VAV3: variants seen among roughly 807,000 people sequenced by gnomAD.
The protein encoded by VAV3 is vav guanine nucleotide exchange factor 3.
Under a neutral mutation model 131.2 loss-of-function variants are expected in VAV3, and 94 were observed. The ratio of observed to expected loss-of-function variants is 0.72; its 90% CI spans 0.61 to 0.85. The LOEUF (loss-of-function observed/expected upper bound fraction) is 0.85, where lower values mean the gene tolerates loss of function less well. Among genes scored for constraint, VAV3 ranks in the 40% least tolerant of loss-of-function variants. VAV3 has a pLI of 0.00. For synonymous variants in VAV3, 349 were observed against 342.0 expected (o/e 1.02, Z -0.22); for missense variants, 939 against 1,002.7 (o/e 0.94, Z 0.86).
At chr1:107,727,960 T>C (rs1030117003) in intron 15 of VAV3, among the ~76,000 whole-genome samples, 4 of 152,210 alleles carry the variant, frequency 2.6e-5, no homozygotes, top group Non-Finnish European at 4.4e-5. Flanking sequence ...AGAAATTTAA[T>C]TAAATTTCTA....
rs74391337 is a variant in VAV3, at chr1:107,770,732, C to T, written c.556-4G>A. On this transcript the variant is annotated splice_polypyrimidine_tract_variant and splice_region_variant and intron_variant, in intron 5 of 26. Transcript: ENST00000370056. ...GTATATCATTTTCTGGACATTTCTGCAGTTAGAATTATCAAAATAAAATGA... is the reference window on the plus strand; with the variant it reads ...GTATATCATTTTCTGGACATTTCTGTAGTTAGAATTATCAAAATAAAATGA... 1.9e-6 allele frequency: 3 copies of T among 1,598,874 alleles called. No homozygotes were observed. The highest frequency in any genetic ancestry group is 3.5e-5 in the Admixed American group (2 of 57,954).
intron 1 of VAV3, among the ~76,000 whole-genome samples, chr1:107,921,596 A>AAGTCATCACTCCATAACC (rs1553231324): frequency 6.6e-6 from 1 of 152,214 alleles, no homozygotes; most frequent in Non-Finnish European, 1.5e-5. Context: ...CCTGACAGCC[A>AAGTCATCACTCCATAACC]AGTCATCACT....
At chr1:107,675,596 G>A (rs1235932464) in intron 19 of VAV3, among the ~76,000 whole-genome samples, 1 of 152,080 alleles carries the variant, frequency 6.6e-6, no homozygotes. Flanking sequence ...CGTGAAGCAG[G>A]TAGTGGCTTA....
At chr1:107,672,847 C>T (rs1215153436) in intron 19 of VAV3, among the ~76,000 whole-genome samples, 3 of 152,064 alleles carry the variant, frequency 2.0e-5, no homozygotes, top group Admixed American at 6.6e-5. Flanking sequence ...CTATTATTTT[C>T]CTATCTAATG....
At chr1:107,809,181 T>C (rs1033075721) in intron 2 of VAV3, among the ~76,000 whole-genome samples, 2 of 152,166 alleles carry the variant, frequency 1.3e-5, no homozygotes, top group African/African-American at 2.4e-5. Context: ...CAAAGCCTCA[T>C]CATTTCTTTC....
chr1:107,757,185 G>T (rs12138350), intron 11 of VAV3, 76 bp downstream of exon 11: 3 of 783,694 alleles, frequency 3.8e-6, no homozygotes, highest in Non-Finnish European at 6.4e-6. Context: ...GTGTGTGTGT[G>T]TGTATGCAAT....
At chr1:107,964,516 CAA>C in intron 1 of VAV3, 148 bp downstream of exon 1, 1 of 830,906 alleles carries the variant, frequency 1.2e-6, no homozygotes, top group Admixed American at 2.9e-5. Flanking sequence ...TAGGAAACGC[CAA>C]AGTGGTGCCG....
chr1:107,629,135 A>C (rs1259025616), intron 20 of VAV3, among the ~76,000 whole-genome samples: 2 of 152,226 alleles, frequency 1.3e-5, no homozygotes, highest in Non-Finnish European at 2.9e-5. Context: ...GTAAATGACA[A>C]TGGAGCAAAT....
chr1:107,725,100 G>A (rs114862317), intron 15 of VAV3, among the ~76,000 whole-genome samples: 4 of 152,282 alleles, frequency 2.6e-5, no homozygotes, highest in Admixed American at 6.5e-5. Context: ...CATCAGGAGT[G>A]AATAAAGGAA....
At chr1:107,744,135 C>G (rs560185459) in intron 15 of VAV3, among the ~76,000 whole-genome samples, 1 of 152,186 alleles carries the variant, frequency 6.6e-6, no homozygotes, top group Non-Finnish European at 1.5e-5. Context: ...CAGGATAGTG[C>G]ATCCTGGTCC....
chr1:107,704,316 CCT>C (rs1177689975), intron 17 of VAV3, among the ~76,000 whole-genome samples: 3 of 152,098 alleles, frequency 2.0e-5, no homozygotes, highest in African/African-American at 7.2e-5. Flanking sequence ...CTCTTGAAGA[CCT>C]CTGTCTCCAA....
intron 2 of VAV3, among the ~76,000 whole-genome samples, chr1:107,785,176 T>C (rs17229592): frequency 0.036 from 5,503 of 152,304 alleles, 104 homozygotes; most frequent in Middle Eastern, 0.075. Context: ...ATTAGTGCTG[T>C]TGATGTTATT....
intron 1 of VAV3, among the ~76,000 whole-genome samples, chr1:107,959,252 CTCTG>C (rs1674966658): frequency 1.3e-5 from 2 of 151,286 alleles, no homozygotes; most frequent in African/African-American, 2.5e-5. Context: ...CGGAGCAAGA[CTCTG>C]TCTAAAAAAT....
chr1:107,904,304 T>C (rs572278880), intron 1 of VAV3, among the ~76,000 whole-genome samples: 17 of 152,340 alleles, frequency 1.1e-4, no homozygotes, highest in Admixed American at 5.2e-4. Flanking sequence ...ACGTATGATG[T>C]GACTGAATGA....
chr1:107,779,563 T>C, intron 2 of VAV3, 71 bp from the exon 3 acceptor site: 1 of 1,244,468 alleles, frequency 8.0e-7, no homozygotes, highest in Non-Finnish European at 1.1e-6. Context: ...CCAAAATTTT[T>C]TCAATCTAAT....
At chr1:107,920,836 C>CAT (rs1272963706) in intron 1 of VAV3, among the ~76,000 whole-genome samples, 6 of 152,066 alleles carry the variant, frequency 3.9e-5, no homozygotes, top group Admixed American at 2.6e-4. Flanking sequence ...ATAAATGAGG[C>CAT]ATATATATAT....
At chr1:107,741,480 G>T (rs1663018355) in intron 15 of VAV3, among the ~76,000 whole-genome samples, 2 of 152,146 alleles carry the variant, frequency 1.3e-5, no homozygotes, top group South Asian at 4.1e-4. Flanking sequence ...GCTGCTGAGG[G>T]TGTCAAAGAC....
intron 2 of VAV3, among the ~76,000 whole-genome samples, chr1:107,860,141 C>G (rs939818687): frequency 6.6e-6 from 1 of 152,000 alleles, no homozygotes; most frequent in Non-Finnish European, 1.5e-5. Flanking sequence ...TTGTTTTTGA[C>G]AGGGAGTCTC....
chr1:107,678,527 T>G (rs1490319355), intron 19 of VAV3, among the ~76,000 whole-genome samples: 1 of 152,186 alleles, frequency 6.6e-6, no homozygotes, highest in Non-Finnish European at 1.5e-5. Flanking sequence ...TGTTGTTATT[T>G]TTCTCAATGT....
Sources: gnomAD v4.1 joint callset for allele counts (sites outside exome capture counted in the v4.1 genomes callset) on GRCh38, gnomAD v4.1.1 for gene constraint, MANE v1.5 for transcripts, NCBI Gene and HGNC (gene_info 2026-07-23, HGNC 2026-07-21) for gene names.